Variants in DGKB observed in about 807,000 individuals in gnomAD.
The protein encoded by DGKB is diacylglycerol kinase beta.
DGKB carries 67 observed loss-of-function variants against 114.3 expected under a neutral mutation model. The observed-to-expected ratio is 0.59, with a 90% CI of 0.48 to 0.72. The LOEUF is 0.72. DGKB is among the 30% of genes least tolerant of loss of function. The pLI, the probability that DGKB is intolerant of heterozygous loss-of-function variation, is 0.00. For missense variants in DGKB, 907 were observed against 975.2 expected, an observed-to-expected ratio of 0.93 and a Z score of 0.93; for synonymous variants, 398 against 323.1, an observed-to-expected ratio of 1.23 and a Z score of -2.49.
chr7:14,310,139 G>T (rs1585055389), intron 23 of DGKB, among the ~76,000 whole-genome samples: 1 of 152,240 alleles, frequency 6.6e-6, no homozygotes, highest in East Asian at 1.9e-4. Flanking sequence ...AATATATATG[G>T]AAAGCTAGAA....
chr7:14,343,157 C>CACACACA (rs1811888740), intron 22 of DGKB, among the ~76,000 whole-genome samples: 71 of 132,920 alleles, frequency 5.3e-4, no homozygotes, highest in African/African-American at 1.9e-3. Context: ...GCCTAGCTAT[C>CACACACA]CACACACACA....
chr7:14,301,849 A>T lies in DGKB; in HGVS notation c.2122+36666T>A, dbSNP rs191234087. ...TCAGGAGGGTTGGTTGATCAAGTGT[A>T]CAGTGCTTTTGTCAGACTCATGGGA... On this transcript the variant is annotated intron_variant, in intron 23 of 25. Coordinates refer to ENST00000402815, the MANE Select transcript of DGKB (RefSeq NM_001350709.2). Among the ~76,000 whole-genome samples the T allele has an allele frequency of 1.6e-4, 25 of 152,232 alleles. No individual in the cohort carries two copies. In the East Asian group the frequency reaches 4.6e-3, roughly 28 times the overall value.
chr7:14,391,738 T>A (rs1346630847), intron 21 of DGKB, among the ~76,000 whole-genome samples: 19 of 152,096 alleles, frequency 1.2e-4, no homozygotes, highest in Admixed American at 1.2e-3. Context: ...CTCTTCTCCG[T>A]CTTTTAGATA....
chr7:14,629,182 C>T (rs1408145345), intron 14 of DGKB, among the ~76,000 whole-genome samples: 1 of 152,026 alleles, frequency 6.6e-6, no homozygotes. Context: ...AAATAATAAA[C>T]TGTCCTAATA....
At chr7:14,578,333 G>A (rs968412484) in intron 19 of DGKB, among the ~76,000 whole-genome samples, 2 of 152,196 alleles carry the variant, frequency 1.3e-5, no homozygotes, top group Non-Finnish European at 1.5e-5. Context: ...CAAACACTGT[G>A]CAAACAAGTT....
chr7:14,437,754 TACTC>T (rs1234655778), intron 21 of DGKB, among the ~76,000 whole-genome samples: 2 of 150,632 alleles, frequency 1.3e-5, no homozygotes, highest in Non-Finnish European at 3.0e-5. Flanking sequence ...ATTCCCTACT[TACTC>T]TATAACCCCC....
chr7:14,315,140 C>T (rs1806225821), intron 23 of DGKB, among the ~76,000 whole-genome samples: 1 of 144,792 alleles, frequency 6.9e-6, no homozygotes, highest in Non-Finnish European at 1.5e-5. Flanking sequence ...AAGCGCTAAA[C>T]ATGGAAAGGA....
At chr7:14,384,512 C>A (rs1049745644) in intron 21 of DGKB, among the ~76,000 whole-genome samples, 1 of 152,182 alleles carries the variant, frequency 6.6e-6, no homozygotes, top group African/African-American at 2.4e-5. Context: ...TGTTTGCTGA[C>A]CCCTGGCATA....
chr7:14,670,300 T>C (rs62448677), intron 13 of DGKB, among the ~76,000 whole-genome samples: 10 of 145,808 alleles, frequency 6.9e-5, no homozygotes, highest in South Asian at 2.2e-4. Flanking sequence ...TATATATATA[T>C]ACACACACAC....
Position 14,271,134 on chromosome 7 carries a change from A to C in DGKB, c.2122+67381T>G, listed in dbSNP as rs1461419947. 1.3e-5 allele frequency among the ~76,000 whole-genome samples: 2 copies of C among 152,206 alleles called. 1 individual carries two copies. On this transcript the variant is annotated intron_variant, in intron 23 of 25. Coordinates refer to ENST00000402815, the MANE Select transcript of DGKB (RefSeq NM_001350709.2). The stretch of plus-strand genomic sequence containing the variant: ...TTTACAGGGCAATTTTTTTAAACTG[A>C]CTTGAATCACATATTTTTATAAGAC...
intron 20 of DGKB, among the ~76,000 whole-genome samples, chr7:14,525,045 G>C (rs765891899): frequency 1.2e-4 from 19 of 152,040 alleles, no homozygotes; most frequent in Non-Finnish European, 2.5e-4. Flanking sequence ...AGTCATCCTA[G>C]ATTTCTCTCC....
chr7:14,614,258 G>A (rs1424888010), intron 15 of DGKB, among the ~76,000 whole-genome samples: 1 of 152,136 alleles, frequency 6.6e-6, no homozygotes. Flanking sequence ...TGTGGGTAGA[G>A]TTGTTTTACG....
intron 13 of DGKB, among the ~76,000 whole-genome samples, chr7:14,653,311 A>T (rs2128905270): frequency 6.6e-6 from 1 of 152,118 alleles, no homozygotes; most frequent in Admixed American, 6.5e-5. Flanking sequence ...TACACCATGG[A>T]ATACTATGCA....
intron 1 of DGKB, among the ~76,000 whole-genome samples, chr7:14,924,582 T>G (rs962341281): frequency 6.6e-6 from 1 of 152,194 alleles, no homozygotes; most frequent in African/African-American, 2.4e-5. Context: ...CTTGGTCAGA[T>G]CTATCTTAAT....
At chr7:14,402,021 C>T (rs1211446335) in intron 21 of DGKB, among the ~76,000 whole-genome samples, 1 of 151,530 alleles carries the variant, frequency 6.6e-6, no homozygotes, top group Non-Finnish European at 1.5e-5. Context: ...ATTGCCCTCT[C>T]CCTTTTAAAT....
At chr7:14,241,206 T>C (rs1050884941) in intron 23 of DGKB, among the ~76,000 whole-genome samples, 1 of 152,130 alleles carries the variant, frequency 6.6e-6, no homozygotes, top group Non-Finnish European at 1.5e-5. Flanking sequence ...TTATAATATA[T>C]ACTGTATATA....
At chr7:14,474,252 G>A (rs1051841028) in intron 21 of DGKB, among the ~76,000 whole-genome samples, 15 of 152,070 alleles carry the variant, frequency 9.9e-5, no homozygotes, top group African/African-American at 3.6e-4. Context: ...AGATCTGATG[G>A]TTCTACACGG....
At chr7:14,865,356 T>C (rs1055463189) in intron 1 of DGKB, among the ~76,000 whole-genome samples, 34 of 152,302 alleles carry the variant, frequency 2.2e-4, no homozygotes, top group African/African-American at 7.7e-4. Context: ...ACTCAAGGTA[T>C]TTCTTCTCTC....
intron 23 of DGKB, among the ~76,000 whole-genome samples, chr7:14,240,027 C>T (rs900955278): frequency 1.3e-5 from 2 of 151,942 alleles, no homozygotes; most frequent in South Asian, 2.1e-4. Context: ...ACTGCGTATA[C>T]GTTTTGTTTA....
Sources: gnomAD v4.1 joint callset for allele counts (sites outside exome capture counted in the v4.1 genomes callset) on GRCh38, gnomAD v4.1.1 for gene constraint, MANE v1.5 for transcripts, NCBI Gene and HGNC (gene_info 2026-07-23, HGNC 2026-07-21) for gene names.